Variants in ST6GALNAC1 observed in about 807,000 individuals in gnomAD.
The protein encoded by ST6GALNAC1 is alpha-N-acetylgalactosaminide alpha-2,6-sialyltransferase 1.
Under a neutral mutation model 56.8 loss-of-function variants are expected in ST6GALNAC1, and 45 were observed. That is an observed-to-expected ratio of 0.79 (90% CI 0.62 to 1.02). The LOEUF is 1.02. ST6GALNAC1 is among the 50% of genes least tolerant of loss of function. ST6GALNAC1 has a pLI of 0.00. For missense variants in ST6GALNAC1, 743 were observed against 754.8 expected, an observed-to-expected ratio of 0.98 and a Z score of 0.18; for synonymous variants, 295 against 297.8, an observed-to-expected ratio of 0.99 and a Z score of 0.10.
chr17:76,629,638 T>C lies in ST6GALNAC1; in HGVS notation c.205A>G (p.Arg69Gly). Residue 69 changes from arginine (R) to glycine (G), a missense_variant, in exon 2 of 9, where the codon AGG becomes GGG. Physicochemically the swap from Arg to Gly is moderately radical, Grantham distance 125. Coordinates refer to ENST00000156626, the MANE Select transcript of ST6GALNAC1 (RefSeq NM_018414.5). ...LAKPKSQAPT[R>G]ARRTTIYAEP... ...GCATAGATGGTTGTCCTCCTTGCCC[T>C]TGTGGGTGCCTGGGACTTAGGCTTT... 6.2e-7 allele frequency: 1 copy of C among 1,613,792 alleles called. No homozygotes were observed. Among genetic ancestry groups the C allele is most frequent in the South Asian group, 1.1e-5 (1 of 91,060 alleles).
At chr17:76,625,653 A>G in intron 8 of ST6GALNAC1, 126 bp from the exon 9 acceptor site, 1 of 1,240,068 alleles carries the variant, frequency 8.1e-7, no homozygotes, top group Non-Finnish European at 1.1e-6. Context: ...GTCTGGGTGC[A>G]GGTCCCTGGA....
rs372783560 is a variant in ST6GALNAC1, at chr17:76,628,064, T to C, written c.832-481A>G. ...GTGAGCCGAGATTGCGCCACTGCAC[T>C]CCAGCCTGGGCGACAGAGCGAGAGT... On this transcript the variant is annotated intron_variant, in intron 2 of 8. Transcript: ENST00000156626. 7.0e-5 allele frequency among the ~76,000 whole-genome samples: 9 copies of C among 128,366 alleles called. No individual in the cohort carries two copies. In the East Asian group the frequency reaches 7.2e-4, roughly 10 times the overall value. The allele number at this position is 128,366 out of a possible 152,430, so 84.2% of individuals were successfully genotyped here. A position where few individuals can be genotyped will look rare whatever the true frequency, so the allele number is the denominator to read the frequency against.
chr17:76,627,190 AGCT>A lies in ST6GALNAC1; in HGVS notation c.1046_1048del (p.Gln349del), dbSNP rs1437261794. The A allele has an allele frequency of 1.2e-6, 2 of 1,600,086 alleles. No homozygotes were observed. The highest frequency in any genetic ancestry group is 1.7e-6 in the Non-Finnish European group (2 of 1,172,744). The stretch of plus-strand genomic sequence containing the variant: ...CCCAGCGGGGAGGCTGGCCAGGAGC[AGCT>A]GCTGCTGGGGCACTGGAGGGAAGCG... On this transcript the variant is annotated inframe_deletion, in exon 4 of 9. Coordinates refer to ENST00000156626, the MANE Select transcript of ST6GALNAC1 (RefSeq NM_018414.5). This position sits in a 1 kb window ranked among gnomAD's most constrained non-coding sequence, Gnocchi z 4.4.
chr17:76,622,196 A>AT (rs1420169306), downstream of ST6GALNAC1, among the ~76,000 whole-genome samples: 1 of 149,834 alleles, frequency 6.7e-6, no homozygotes, highest in South Asian at 2.1e-4. Flanking sequence ...ATATATATAT[A>AT]TATTTTTGCC....
At chr17:76,625,757 G>T in intron 8 of ST6GALNAC1, 62 bp downstream of exon 8, 1 of 1,375,136 alleles carries the variant, frequency 7.3e-7, no homozygotes, top group Non-Finnish European at 9.8e-7. Flanking sequence ...ATGCTGAACA[G>T]GCCCAGGAAT....
chr17:76,626,395 G>C lies in ST6GALNAC1; in HGVS notation c.1312-3C>G. 1 of 1,613,846 alleles carries C rather than the reference G, an allele frequency of 6.2e-7. No individual in the cohort carries two copies. Among genetic ancestry groups the C allele is most frequent in the Non-Finnish European group, 8.5e-7 (1 of 1,179,886 alleles). ...AGGAAGTGCAAGTAGCGGACGTCCTGAGGACCAAGGACAGGGAGTGGTCCA... is the reference window on the plus strand; with the variant it reads ...AGGAAGTGCAAGTAGCGGACGTCCTCAGGACCAAGGACAGGGAGTGGTCCA... On this transcript the variant is annotated splice_region_variant and splice_polypyrimidine_tract_variant and intron_variant, in intron 5 of 8. Coordinates refer to ENST00000156626, the MANE Select transcript of ST6GALNAC1 (RefSeq NM_018414.5).
chr17:76,632,763 TG>T (rs1264821599), intron 1 of ST6GALNAC1, among the ~76,000 whole-genome samples: 2 of 152,084 alleles, frequency 1.3e-5, no homozygotes, highest in Non-Finnish European at 2.9e-5. Context: ...TGAGCTGGGC[TG>T]GGGTGTGGGA....
At chr17:76,638,366 C>A (rs1028427589) in intron 1 of ST6GALNAC1, among the ~76,000 whole-genome samples, 1 of 151,952 alleles carries the variant, frequency 6.6e-6, no homozygotes, top group African/African-American at 2.4e-5. Context: ...GGTTTGAAAT[C>A]ATAGAATTGT....
chr17:76,626,807 A>G lies in ST6GALNAC1; in HGVS notation c.1173-18T>C. ...CGCTCAATCTGTGCAGAAAGACACA[A>G]TCAGACGGGACAGGTGAGCAGAGGA... On this transcript the variant is annotated intron_variant, in intron 4 of 8. Coordinates refer to ENST00000156626, the MANE Select transcript of ST6GALNAC1 (RefSeq NM_018414.5). 6.2e-7 allele frequency: 1 copy of G among 1,613,062 alleles called. No individual in the cohort carries two copies. The highest frequency in any genetic ancestry group is 1.1e-5 in the South Asian group (1 of 90,714).
At chr17:76,624,070 G>A (rs530174307), downstream of ST6GALNAC1, among the ~76,000 whole-genome samples, 5 of 152,298 alleles carry the variant, frequency 3.3e-5, no homozygotes, top group South Asian at 2.1e-4. Context: ...CCGAGCTGCC[G>A]CCACCTGCCG....
Position 76,627,254 on chromosome 17 carries a change from G to C in ST6GALNAC1, c.1001-16C>G. ...TTCTGCACCACTGGAACAAGAGTGG[G>C]GGTGCTCCATTCAGAGCCCTGGGAG... On this transcript the variant is annotated splice_polypyrimidine_tract_variant and intron_variant, in intron 3 of 8. Transcript: ENST00000156626. The surrounding 1 kb of genome is among the most constrained non-coding windows in gnomAD (Gnocchi z 4.4). The C allele has an allele frequency of 6.4e-7, 1 of 1,553,646 alleles. No individual in the cohort carries two copies. Among genetic ancestry groups the C allele is most frequent in the African/African-American group, 1.4e-5 (1 of 73,440 alleles).
chr17:76,637,567 CA>C (rs2075994276), intron 1 of ST6GALNAC1: 2 of 396,654 alleles, frequency 5.0e-6, no homozygotes, highest in African/African-American at 2.1e-5. Flanking sequence ...TTCAAAAAAA[CA>C]GAACAAAAAA....
the ST6GALNAC1 span, among the ~76,000 whole-genome samples, chr17:76,618,223 C>T: frequency 3.9e-5 from 6 of 152,242 alleles, no homozygotes; most frequent in South Asian, 1.2e-3. Context: ...TATTATTATT[C>T]CCTCTAGACT....
Position 76,626,065 on chromosome 17 carries a change from G to C in ST6GALNAC1, c.1446C>G (p.Ala482=). Residue 482 remains alanine (A), a synonymous_variant, in exon 7 of 9, where the codon GCC becomes GCG. Coordinates refer to ENST00000156626, the MANE Select transcript of ST6GALNAC1 (RefSeq NM_018414.5). The part of the protein sequence containing the change: ...RHRPQEAFRE[A]LHMDRYLLLH... Reference sequence around the variant, plus strand: ...GCAACAGGTACCTGTCCATGTGCAGGGCTTCCCGAAAAGCTTCCTGGGGTC... The same window carrying C: ...GCAACAGGTACCTGTCCATGTGCAGCGCTTCCCGAAAAGCTTCCTGGGGTC... 1 of 1,614,116 alleles carries C rather than the reference G, an allele frequency of 6.2e-7. No homozygotes were observed. The highest frequency in any genetic ancestry group is 8.5e-7 in the Non-Finnish European group (1 of 1,180,012).
chr17:76,629,386 CCT>C lies in ST6GALNAC1; in HGVS notation c.455_456del (p.Glu152GlyfsTer75). ...QDAGMASGRT[E>X]AQSWKSQDTK... is the part of the protein sequence containing the mutation. ...GTGTCCTGGCTCTTCCATGATTGTG[CCT>C]CTGTCCTGCCAGAGGCCATCCCTGC... On this transcript the variant is annotated frameshift_variant, in exon 2 of 9. Transcript: ENST00000156626. LOFTEE classifies it high-confidence loss of function. The C allele has an allele frequency of 6.2e-7, 1 of 1,614,158 alleles. No homozygotes were observed. The highest frequency in any genetic ancestry group is 8.5e-7 in the Non-Finnish European group (1 of 1,180,018).
intron 1 of ST6GALNAC1, among the ~76,000 whole-genome samples, chr17:76,630,750 C>CT (rs764956961): frequency 0.024 from 3,396 of 142,232 alleles, 59 homozygotes; most frequent in East Asian, 0.046. Context: ...ACGCCTGGCT[C>CT]TTTTTTTTTT....
At chr17:76,625,735 A>G (rs2075788074) in intron 8 of ST6GALNAC1, 84 bp downstream of exon 8, 1 of 1,288,372 alleles carries the variant, frequency 7.8e-7, no homozygotes, top group Non-Finnish European at 1.1e-6. Context: ...CACCCAGCCC[A>G]TGCACTGTCC....
chr17:76,633,442 G>A (rs758173115), intron 1 of ST6GALNAC1, among the ~76,000 whole-genome samples: 1 of 152,138 alleles, frequency 6.6e-6, no homozygotes, highest in Non-Finnish European at 1.5e-5. Context: ...CCTGGAAGGC[G>A]GAGGTTGCGG....
intron 1 of ST6GALNAC1, among the ~76,000 whole-genome samples, chr17:76,640,957 G>A (rs2076041007): frequency 6.6e-6 from 1 of 152,176 alleles, no homozygotes; most frequent in African/African-American, 2.4e-5. Context: ...AACAAAAAGA[G>A]GTGGAATCCT....
Sources: gnomAD v4.1 joint callset for allele counts (sites outside exome capture counted in the v4.1 genomes callset) on GRCh38, gnomAD v4.1.1 for gene constraint, Gnocchi (gnomAD v3.1) non-coding constraint, MANE v1.5 for transcripts, NCBI Gene and HGNC (gene_info 2026-07-23, HGNC 2026-07-21) for gene names.